The following OSBPL9 variants were observed in gnomAD, a reference collection of about 807,000 sequenced individuals.
The protein encoded by OSBPL9 is oxysterol binding protein like 9, also known as oxysterol-binding protein-related protein 9.
Under a neutral mutation model 106.6 loss-of-function variants are expected in OSBPL9, and 40 were observed. The ratio of observed to expected loss-of-function variants is 0.38; its 90% CI spans 0.29 to 0.49. OSBPL9 has a LOEUF of 0.49. OSBPL9 is among the 20% of genes least tolerant of loss of function. The pLI, the probability that OSBPL9 is intolerant of heterozygous loss-of-function variation, is 0.97. For missense variants in OSBPL9, 609 were observed against 887.2 expected (o/e 0.69, Z 3.98); for synonymous variants, 269 against 295.4 (o/e 0.91, Z 0.92).
chr1:51,542,885 G>T, the OSBPL9 span, among the ~76,000 whole-genome samples: 2 of 152,090 alleles, frequency 1.3e-5, no homozygotes, highest in African/African-American at 2.4e-5. Flanking sequence ...GGTAAAATGG[G>T]GATATCAGGG....
rs151120977 is a variant in OSBPL9 at position 51,646,900 on chromosome 1, C to T, written c.112-5091C>T. Among the ~76,000 whole-genome samples, 80 of 152,306 alleles carry T rather than the reference C, an allele frequency of 5.3e-4. 1 individual carries two copies. Among genetic ancestry groups the T allele is most frequent in the Middle Eastern group, 6.8e-3 (2 of 294 alleles). On this transcript the variant is annotated intron_variant, in intron 1 of 23. Coordinates refer to ENST00000428468, the MANE Select transcript of OSBPL9 (RefSeq NM_024586.6). ...CAGAAATACTTTAAACTCTTCCTTT[C>T]TAATCTAGATGCCTTTATTTCCTTT... is the stretch of plus-strand genomic sequence containing the variant.
chr1:51,682,574 A>T (rs1168553055), intron 3 of OSBPL9, among the ~76,000 whole-genome samples: 1 of 152,052 alleles, frequency 6.6e-6, no homozygotes, highest in Non-Finnish European at 1.5e-5. Context: ...CCAGACCAAC[A>T]TGGTGAAACC....
intron 1 of OSBPL9, among the ~76,000 whole-genome samples, chr1:51,589,065 G>A (rs1035178346): frequency 5.9e-5 from 9 of 151,862 alleles, no homozygotes; most frequent in Admixed American, 6.6e-5. Flanking sequence ...GGTCACACAG[G>A]TGTATACATT....
intron 1 of OSBPL9, among the ~76,000 whole-genome samples, chr1:51,647,586 C>T (rs191406554): frequency 3.6e-4 from 55 of 152,122 alleles, no homozygotes; most frequent in Non-Finnish European, 4.4e-5. Flanking sequence ...ACTTATTTTA[C>T]GTCTATTCAG....
intron 1 of OSBPL9, among the ~76,000 whole-genome samples, chr1:51,584,044 C>G (rs1052852349): frequency 6.6e-6 from 1 of 152,010 alleles, no homozygotes; most frequent in Admixed American, 6.6e-5. Flanking sequence ...TTTTTAGAGA[C>G]AGGGTCTTGC....
chr1:51,748,410 G>T lies in OSBPL9; in HGVS notation c.492+12G>T. On this transcript the variant is annotated intron_variant, in intron 7 of 23. Transcript: ENST00000428468. Reference sequence around the variant, plus strand: ...AAGAGACAACAAATGTAAGTTATATGTTTGATACATTCTGACTTTGCATTA... The same window carrying T: ...AAGAGACAACAAATGTAAGTTATATTTTTGATACATTCTGACTTTGCATTA... 1 of 1,484,410 alleles carries T rather than the reference G, an allele frequency of 6.7e-7. No individual in the cohort carries two copies. The highest frequency in any genetic ancestry group is 1.5e-5 in the African/African-American group (1 of 68,306). The allele number at this position is 1,484,410 out of a possible 1,614,324, so 92.0% of individuals were successfully genotyped here.
At chr1:51,613,740 CTTTT>C (rs1213011994), upstream of OSBPL9, among the ~76,000 whole-genome samples, 1 of 142,886 alleles carries the variant, frequency 7.0e-6, no homozygotes. Flanking sequence ...TCTTTCTTTT[CTTTT>C]TTTTTTTTTT....
intron 11 of OSBPL9, among the ~76,000 whole-genome samples, chr1:51,762,963 G>T (rs1267202930): frequency 1.3e-5 from 2 of 152,078 alleles, no homozygotes; most frequent in Non-Finnish European, 2.9e-5. Flanking sequence ...TTAGAAAAAA[G>T]ATACTTCATT....
chr1:51,718,929 G>T (rs1661553089), intron 4 of OSBPL9, among the ~76,000 whole-genome samples: 1 of 152,142 alleles, frequency 6.6e-6, no homozygotes, highest in South Asian at 2.1e-4. Context: ...TTGACCACAG[G>T]ATGTTTTCTT....
intron 8 of OSBPL9, among the ~76,000 whole-genome samples, chr1:51,754,580 T>G (rs1450158445): frequency 6.6e-6 from 1 of 152,212 alleles, no homozygotes; most frequent in African/African-American, 2.4e-5. Flanking sequence ...TCCTGTTGAT[T>G]ATCCTAAGTC....
chr1:51,756,428 A>T (rs1483715424), intron 9 of OSBPL9, 70 bp downstream of exon 9: 4 of 1,427,570 alleles, frequency 2.8e-6, no homozygotes, highest in Non-Finnish European at 3.9e-6. Flanking sequence ...TATCAGGAGA[A>T]GCCTGAATTA....
intron 3 of OSBPL9, among the ~76,000 whole-genome samples, chr1:51,711,346 C>A (rs1317556035): frequency 6.8e-6 from 1 of 146,330 alleles, no homozygotes; most frequent in African/African-American, 2.5e-5. Context: ...CTGACCCCCC[C>A]ACCTCCCTCC....
At chr1:51,690,178 G>T (rs901921502) in intron 3 of OSBPL9, among the ~76,000 whole-genome samples, 2 of 152,196 alleles carry the variant, frequency 1.3e-5, no homozygotes, top group African/African-American at 4.8e-5. Context: ...AATATTTACT[G>T]TAGGAGCTAC....
chr1:51,544,706 A>G, the OSBPL9 span, among the ~76,000 whole-genome samples: 2 of 152,184 alleles, frequency 1.3e-5, no homozygotes, highest in Non-Finnish European at 2.9e-5. Context: ...AAATAAAAAA[A>G]GAATGTAGAG....
At chr1:51,589,998 A>G (rs1645265751) in intron 1 of OSBPL9, among the ~76,000 whole-genome samples, 1 of 137,462 alleles carries the variant, frequency 7.3e-6, no homozygotes, top group African/African-American at 2.8e-5. Context: ...GCGCCCCTGC[A>G]CTCCAGCCCA....
intron 2 of OSBPL9, among the ~76,000 whole-genome samples, chr1:51,663,843 A>G (rs1018523020): frequency 3.9e-5 from 6 of 152,232 alleles, no homozygotes; most frequent in Non-Finnish European, 5.9e-5. Context: ...AACTTAAACT[A>G]TTTCACAAAA....
At chr1:51,784,369 G>C (rs769080497) in intron 19 of OSBPL9, 42 bp downstream of exon 19, 127 of 1,610,622 alleles carry the variant, frequency 7.9e-5, no homozygotes, top group Non-Finnish European at 1.0e-4. Flanking sequence ...AGACTCTGCT[G>C]TTCCTTGAGA....
chr1:51,639,847 T>C (rs12239654), intron 1 of OSBPL9, among the ~76,000 whole-genome samples: 2 of 124,362 alleles, frequency 1.6e-5, no homozygotes, highest in African/African-American at 3.4e-5. Flanking sequence ...TTTTTTGAGA[T>C]AGGGTCTCGC....
chr1:51,614,505 A>G (rs1644011011), upstream of OSBPL9: 1 of 150,838 alleles, frequency 6.6e-6, no homozygotes, highest in South Asian at 2.1e-4. Flanking sequence ...GGGTCCCACT[A>G]TGTTGCCCAG....
Sources: allele counts gnomAD v4.1 joint callset (sites outside exome capture counted in the v4.1 genomes callset), GRCh38; gene constraint gnomAD v4.1.1; transcripts MANE v1.5; gene names NCBI Gene and HGNC (gene_info 2026-07-23, HGNC 2026-07-21).